ST6GALNAC5: variants seen among roughly 807,000 people sequenced by gnomAD.
ST6GALNAC5 encodes ST6 N-acetylgalactosaminide alpha-2,6-sialyltransferase 5, also known as alpha-N-acetylgalactosaminide alpha-2,6-sialyltransferase 5.
A neutral mutation model predicts 33.6 loss-of-function variants in ST6GALNAC5; 27 were observed. The observed-to-expected ratio is 0.80, with a 90% confidence interval of 0.59 to 1.11. The LOEUF is 1.11. Ranked by LOEUF, ST6GALNAC5 falls within the 50% of genes least tolerant of loss-of-function variation. ST6GALNAC5 has a pLI of 0.00. For synonymous variants in ST6GALNAC5, 194 were observed against 171.2 expected (o/e 1.13, Z -1.04); for missense variants, 428 against 454.0 (o/e 0.94, Z 0.52).
In ST6GALNAC5 at chr1:76,987,545, A is replaced by G. The variant is rs1020894397; in HGVS notation, c.262-56659A>G. 2.0e-5 allele frequency among the ~76,000 whole-genome samples: 3 copies of G among 152,168 alleles called. No individual in the cohort carries two copies. In the East Asian group the frequency reaches 5.8e-4, roughly 29 times the overall value. The stretch of plus-strand genomic sequence containing the variant: ...AAGCAGCCTGGCTGTTTCTCAAACG[A>G]TTAAGAATAGAGTTACCATGTGGTC... On this transcript the variant is annotated intron_variant, in intron 2 of 4. Coordinates refer to ENST00000477717, the MANE Select transcript of ST6GALNAC5 (RefSeq NM_030965.3).
intron 2 of ST6GALNAC5, among the ~76,000 whole-genome samples, chr1:76,875,948 C>T (rs1185316877): frequency 6.6e-6 from 1 of 152,166 alleles, no homozygotes; most frequent in Admixed American, 6.5e-5. Context: ...CAGTGAATTC[C>T]ATGAGCATGA....
chr1:76,958,247 T>C (rs1206213151), intron 2 of ST6GALNAC5, among the ~76,000 whole-genome samples: 1 of 152,160 alleles, frequency 6.6e-6, no homozygotes, highest in East Asian at 1.9e-4. Flanking sequence ...ACATCGTCTT[T>C]TTATTTGTCC....
intron 2 of ST6GALNAC5, among the ~76,000 whole-genome samples, chr1:77,013,128 C>T (rs1394944247): frequency 3.3e-5 from 5 of 152,152 alleles, no homozygotes; most frequent in East Asian, 3.9e-4. Context: ...TGCGGGTGCA[C>T]GGTGAGCAAC....
chr1:76,921,329 C>T (rs142226214), intron 2 of ST6GALNAC5, among the ~76,000 whole-genome samples: 25 of 152,070 alleles, frequency 1.6e-4, no homozygotes, highest in Non-Finnish European at 3.2e-4. Flanking sequence ...TCTTCTTTTC[C>T]CCTCTTGGGG....
intron 2 of ST6GALNAC5, among the ~76,000 whole-genome samples, chr1:76,911,899 A>G (rs1646917672): frequency 6.6e-6 from 1 of 152,068 alleles, no homozygotes; most frequent in African/African-American, 2.4e-5. Context: ...TAATTTTTTG[A>G]AGGGCTTTTT....
intron 2 of ST6GALNAC5, among the ~76,000 whole-genome samples, chr1:76,949,841 A>G (rs1176193820): frequency 6.6e-6 from 1 of 152,092 alleles, no homozygotes; most frequent in African/African-American, 2.4e-5. Context: ...GAAGGCAATA[A>G]CCCTTTTTTA....
At position 77,044,215 on chromosome 1, in the gene ST6GALNAC5, G is replaced by A. The variant is rs1342572429; in HGVS notation, c.273G>A (p.Met91Ile). 1 of 1,601,026 alleles carries A rather than the reference G, an allele frequency of 6.2e-7. No homozygotes were observed. The highest frequency in any genetic ancestry group is 8.5e-7 in the Non-Finnish European group (1 of 1,171,196). The change falls in exon 3 of 5, where the codon ATG (methionine) becomes ATA (isoleucine). Residue 91 changes from methionine (M) to isoleucine (I), a missense_variant. Physicochemically the swap from Met to Ile is conservative, Grantham distance 10 (BLOSUM62 1). Coordinates refer to ENST00000477717, the MANE Select transcript of ST6GALNAC5 (RefSeq NM_030965.3). The stretch of plus-strand genomic sequence containing the variant: ...CCCCTGCCTTCCAGCCCCTGAAAAT[G>A]CACTGCAGGGACTGTGCCCTGGTGA... ...LGVADHKPLK[M>I]HCRDCALVTS... is the part of the protein sequence containing the mutation.
intron 2 of ST6GALNAC5, among the ~76,000 whole-genome samples, chr1:77,034,170 G>A (rs148234706): frequency 9.2e-5 from 14 of 152,218 alleles, no homozygotes; most frequent in African/African-American, 2.9e-4. Flanking sequence ...TGTTGGCACA[G>A]CGCTTGTTCC....
At chr1:77,039,684 T>C (rs1315397217) in intron 2 of ST6GALNAC5, among the ~76,000 whole-genome samples, 1 of 152,240 alleles carries the variant, frequency 6.6e-6, no homozygotes, top group East Asian at 1.9e-4. Context: ...ACTACTAATC[T>C]AGGAGTGAAC....
At chr1:76,992,322 G>A (rs1649766699) in intron 2 of ST6GALNAC5, among the ~76,000 whole-genome samples, 1 of 152,088 alleles carries the variant, frequency 6.6e-6, no homozygotes. Context: ...TTTGCTTTGA[G>A]GACCTATGTC....
At chr1:76,892,546 A>G (rs1289452687) in intron 2 of ST6GALNAC5, among the ~76,000 whole-genome samples, 2 of 152,214 alleles carry the variant, frequency 1.3e-5, no homozygotes, top group African/African-American at 2.4e-5. Flanking sequence ...TAAATTCTAA[A>G]CATCTAAATG....
intron 2 of ST6GALNAC5, among the ~76,000 whole-genome samples, chr1:76,900,517 T>A (rs1053709260): frequency 2.0e-5 from 3 of 152,200 alleles, no homozygotes; most frequent in African/African-American, 7.2e-5. Flanking sequence ...AAATATACTT[T>A]TGCAAAATAA....
At chr1:76,978,877 T>C (rs551961113) in intron 2 of ST6GALNAC5, among the ~76,000 whole-genome samples, 2 of 152,172 alleles carry the variant, frequency 1.3e-5, no homozygotes, top group South Asian at 4.2e-4. Flanking sequence ...TATAGAAAAC[T>C]CCAAAGATTG....
At chr1:77,038,208 A>G (rs1399332996) in intron 2 of ST6GALNAC5, among the ~76,000 whole-genome samples, 1 of 152,208 alleles carries the variant, frequency 6.6e-6, no homozygotes, top group East Asian at 1.9e-4. Context: ...GGAGACAGAA[A>G]GACTTCTTGG....
chr1:76,977,344 T>C (rs1649051394), intron 2 of ST6GALNAC5, among the ~76,000 whole-genome samples: 1 of 152,192 alleles, frequency 6.6e-6, no homozygotes, highest in Non-Finnish European at 1.5e-5. Context: ...CTCTTTTTGC[T>C]GTCTTGAAAT....
intron 2 of ST6GALNAC5, among the ~76,000 whole-genome samples, chr1:76,989,528 C>G (rs1522617): frequency 0.35 from 53,014 of 151,034 alleles, 11,027 homozygotes; most frequent in Non-Finnish European, 0.45. Flanking sequence ...ACATTTTTTG[C>G]CTTTTTTCCC....
At chr1:76,893,160 C>A (rs1463090906) in intron 2 of ST6GALNAC5, among the ~76,000 whole-genome samples, 2 of 151,928 alleles carry the variant, frequency 1.3e-5, no homozygotes, top group Admixed American at 6.6e-5. Context: ...GCTTAGGAGA[C>A]CAGCACTCAG....
At chr1:76,887,848 A>AT (rs1436799724) in intron 2 of ST6GALNAC5, among the ~76,000 whole-genome samples, 5 of 151,790 alleles carry the variant, frequency 3.3e-5, no homozygotes, top group Non-Finnish European at 5.9e-5. Flanking sequence ...TGTGTATTTT[A>AT]TTTTTTTGGC....
chr1:76,963,647 G>A (rs1010328667), intron 2 of ST6GALNAC5, among the ~76,000 whole-genome samples: 2 of 152,172 alleles, frequency 1.3e-5, no homozygotes, highest in Non-Finnish European at 1.5e-5. Flanking sequence ...TCAAAAGCAG[G>A]TGAATACTTT....
Sources: allele counts gnomAD v4.1 joint callset (sites outside exome capture counted in the v4.1 genomes callset), GRCh38; gene constraint gnomAD v4.1.1; transcripts MANE v1.5; gene names NCBI Gene and HGNC (gene_info 2026-07-23, HGNC 2026-07-21).